Variants in PRH1 observed in about 807,000 individuals in gnomAD.
PRH1 encodes the protein proline rich protein HaeIII subfamily 1.
A neutral mutation model predicts 7.9 loss-of-function variants in PRH1; 7 were observed. The observed-to-expected ratio is 0.89, with a 90% CI of 0.50 to 1.67. The LOEUF (loss-of-function observed/expected upper bound fraction) is 1.67, where lower values mean the gene tolerates loss of function less well. PRH1 is among the 40% of genes most tolerant of loss of function. The probability of loss-of-function intolerance (pLI) is 0.00; values close to 1 mark genes in which losing one functional copy is unlikely to be tolerated. For synonymous variants in PRH1, 45 were observed against 80.8 expected (o/e 0.56, Z 2.38); for missense variants, 109 against 223.6 (o/e 0.49, Z 3.27).
Position 10,969,890 on chromosome 12 carries a change from C to T in PRH1, c.-59+3765G>A, listed in dbSNP as rs74436278. Reference sequence around the variant, plus strand: ...TCTCGGCTCACTGCAACCTCTGACTCCCAGGTTCAAGCAATTCTCCTTGCA... The same window carrying T: ...TCTCGGCTCACTGCAACCTCTGACTTCCAGGTTCAAGCAATTCTCCTTGCA... On this transcript the variant is annotated intron_variant, in intron 2 of 3. Transcript: ENST00000539853. Among the ~76,000 whole-genome samples, 13 of 152,228 alleles carry T rather than the reference C, an allele frequency of 8.5e-5. No individual in the cohort carries two copies. In the East Asian group the frequency reaches 2.5e-3, roughly 29 times the overall value.
intron 2 of PRH1, among the ~76,000 whole-genome samples, chr12:10,921,470 T>C (rs1326521309): frequency 6.6e-6 from 1 of 152,202 alleles, no homozygotes; most frequent in Non-Finnish European, 1.5e-5. Context: ...ACTTTGATTA[T>C]ATAAAGCTCT....
chr12:11,090,566 T>C (rs2136255627), intron 1 of PRH1, among the ~76,000 whole-genome samples: 2 of 115,670 alleles, frequency 1.7e-5, no homozygotes, highest in Middle Eastern at 8.0e-3. Context: ...TTCATCCCTT[T>C]ATTAGAGAAG....
chr12:10,921,345 A>G (rs1244518261), intron 2 of PRH1, among the ~76,000 whole-genome samples: 1 of 152,030 alleles, frequency 6.6e-6, no homozygotes, highest in Non-Finnish European at 1.5e-5. Flanking sequence ...AAATCTTTGA[A>G]ATTGTTGATT....
chr12:11,016,011 AC>A, intron 1 of PRH1, among the ~76,000 whole-genome samples: 1 of 124,518 alleles, frequency 8.0e-6, no homozygotes, highest in East Asian at 2.5e-4. Context: ...AAGCACACCC[AC>A]CAAGGAATGT....
intron 1 of PRH1, chr12:10,986,857 T>A: frequency 6.6e-7 from 1 of 1,524,220 alleles, no homozygotes; most frequent in Non-Finnish European, 8.8e-7. Flanking sequence ...AGAAAAGTTA[T>A]CATATCTGAG....
intron 1 of PRH1, among the ~76,000 whole-genome samples, chr12:11,011,419 C>A (rs1008925875): frequency 3.9e-5 from 6 of 152,062 alleles, no homozygotes; most frequent in Non-Finnish European, 8.8e-5. Flanking sequence ...AACACTATGT[C>A]CTGGCTATAA....
At chr12:10,909,289 C>T (rs201819234) in intron 2 of PRH1, 8 of 1,611,180 alleles carry the variant, frequency 5.0e-6, no homozygotes, top group Admixed American at 3.3e-5. Flanking sequence ...CTCGGCAGGG[C>T]ACTTTCCATG....
At chr12:11,062,375 T>A (rs1322828292) in intron 1 of PRH1, 1 of 1,402,980 alleles carries the variant, frequency 7.1e-7, no homozygotes, top group Non-Finnish European at 9.5e-7. Context: ...TGACCTTAAA[T>A]TCTATATGCA....
intron 1 of PRH1, among the ~76,000 whole-genome samples, chr12:11,151,615 T>G (rs887587763): frequency 4.6e-5 from 7 of 152,194 alleles, no homozygotes; most frequent in African/African-American, 2.4e-5. Flanking sequence ...GCTTCCATGG[T>G]AATGCAGGCT....
intron 2 of PRH1, among the ~76,000 whole-genome samples, chr12:10,922,608 A>G (rs143716621): frequency 8.7e-4 from 133 of 152,230 alleles, no homozygotes; most frequent in African/African-American, 3.0e-3. Context: ...ATTTCTACAT[A>G]AAAGTATTGA....
chr12:11,001,582 G>A (rs1940599781), intron 1 of PRH1, among the ~76,000 whole-genome samples: 2 of 152,098 alleles, frequency 1.3e-5, no homozygotes. Flanking sequence ...GAAGCAAAGT[G>A]TGCTTGTGGG....
chr12:11,093,854 T>C (rs1330297600), intron 1 of PRH1, among the ~76,000 whole-genome samples: 1 of 114,954 alleles, frequency 8.7e-6, no homozygotes. Flanking sequence ...ATTCTTCCTC[T>C]TTCCATTTAC....
intron 1 of PRH1, among the ~76,000 whole-genome samples, chr12:11,074,278 G>A (rs1448869997): frequency 7.4e-6 from 1 of 134,270 alleles, no homozygotes; most frequent in African/African-American, 2.7e-5. Flanking sequence ...TGGGGAAGGA[G>A]CATAAAGCAT....
At chr12:10,897,881 A>G (rs921431427) in intron 2 of PRH1, among the ~76,000 whole-genome samples, 1 of 152,158 alleles carries the variant, frequency 6.6e-6, no homozygotes, top group African/African-American at 2.4e-5. Flanking sequence ...TTGGGCGAGG[A>G]CAGAAATTCA....
chr12:10,997,080 C>T, intron 1 of PRH1: 1 of 1,613,994 alleles, frequency 6.2e-7, no homozygotes, highest in Non-Finnish European at 8.5e-7. Flanking sequence ...ATTCCAAAAG[C>T]TTGGCAAAGC....
chr12:11,041,097 CT>C (rs1565584139), intron 1 of PRH1, among the ~76,000 whole-genome samples: 2 of 151,232 alleles, frequency 1.3e-5, no homozygotes, highest in Admixed American at 6.6e-5. Flanking sequence ...GAAGTAAGAC[CT>C]TACTACCAGT....
chr12:10,986,412 T>C, intron 1 of PRH1: 3 of 1,614,042 alleles, frequency 1.9e-6, no homozygotes, highest in Non-Finnish European at 2.5e-6. Flanking sequence ...CATACTCTCA[T>C]CCATGTTTGC....
chr12:11,088,105 C>A (rs1944767745), intron 1 of PRH1, among the ~76,000 whole-genome samples: 1 of 132,218 alleles, frequency 7.6e-6, no homozygotes, highest in Non-Finnish European at 1.7e-5. Flanking sequence ...TTTTAGGAGG[C>A]CGACACGGGA....
At chr12:11,102,620 A>G in intron 1 of PRH1, among the ~76,000 whole-genome samples, 1 of 152,236 alleles carries the variant, frequency 6.6e-6, no homozygotes, top group Non-Finnish European at 1.5e-5. Context: ...ACCATTCAGG[A>G]CACAGGCATG....
Sources: allele counts gnomAD v4.1 joint callset (sites outside exome capture counted in the v4.1 genomes callset), GRCh38; gene constraint gnomAD v4.1.1; transcripts MANE v1.5; gene names NCBI Gene and HGNC (gene_info 2026-07-23, HGNC 2026-07-21).